XRN1: variants seen among roughly 807,000 people sequenced by gnomAD.
XRN1 encodes strand-exchange protein 1 homolog.
A neutral mutation model predicts 222.3 loss-of-function variants in XRN1; 67 were observed. That is an observed-to-expected ratio of 0.30 (90% CI 0.25 to 0.37). The LOEUF is 0.37. Ranked by LOEUF, XRN1 falls within the 10% of genes least tolerant of loss-of-function variation. The pLI, the probability that XRN1 is intolerant of heterozygous loss-of-function variation, is 1.00. For synonymous variants in XRN1, 643 were observed against 652.4 expected, an observed-to-expected ratio of 0.99 and a Z score of 0.22; for missense variants, 1,707 against 2,000.2, an observed-to-expected ratio of 0.85 and a Z score of 2.80.
Position 142,403,933 on chromosome 3 carries a change from G to C in XRN1, c.1940C>G (p.Thr647Ser), listed in dbSNP as rs142078879. ...WRVDINKNKI[T>S]RIDQKALYFC... ...ATATAATGCTTTCTGGTCAATTCTG[G>C]TTATTTTGTTTTTGTTTATGTCTAC... Residue 647 changes from threonine to serine, a missense_variant, in exon 17 of 41, where the codon ACC (threonine) becomes AGC (serine). Physicochemically the swap from Thr to Ser is moderately conservative, Grantham distance 58 (BLOSUM62 1). This residue lies in a region of XRN1 where 1,234 missense variants were observed against 1,518.2 expected (regional missense o/e 0.81). Coordinates refer to ENST00000392981, the MANE Select transcript of XRN1 (RefSeq NM_001282857.2). The C allele has an allele frequency of 1.9e-6, 3 of 1,611,894 alleles. No individual in the cohort carries two copies. The highest frequency in any genetic ancestry group is 2.5e-6 in the Non-Finnish European group (3 of 1,178,390).
At chr3:142,350,403 G>GT (rs1202054506) in intron 32 of XRN1, among the ~76,000 whole-genome samples, 1 of 152,146 alleles carries the variant, frequency 6.6e-6, no homozygotes, top group Admixed American at 6.5e-5. Flanking sequence ...TAGCAAAAAT[G>GT]TGAGTTATAG....
chr3:142,407,595 C>A (rs533827501), intron 15 of XRN1: 1 of 152,212 alleles, frequency 6.6e-6, no homozygotes, highest in Non-Finnish European at 1.5e-5. Flanking sequence ...TCCCAAAGTG[C>A]TGGGATTACA....
rs1441487132 is a variant in XRN1, at chr3:142,333,082, G to T, written c.3947C>A (p.Ser1316Tyr). ...AGATGCTAAAAAGTTCTCAATTCCA[G>T]AGTTAGGCTAAAAGAATAAATATTT... ...SQKMSNKQPNSGIENFLASLN... is the reference protein window; with the variant it reads ...SQKMSNKQPNYGIENFLASLN... The change falls in exon 35 of 41, where the codon TCT becomes TAT. Residue 1316 changes from serine (S) to tyrosine (Y), a missense_variant. Coordinates refer to ENST00000392981, the MANE Select transcript of XRN1 (RefSeq NM_001282857.2). 5 of 1,611,452 alleles carry T rather than the reference G, an allele frequency of 3.1e-6. No homozygotes were observed. The highest frequency in any genetic ancestry group is 4.2e-6 in the Non-Finnish European group (5 of 1,178,836).
chr3:142,409,700 T>C (rs1171182041), intron 15 of XRN1, among the ~76,000 whole-genome samples: 1 of 152,184 alleles, frequency 6.6e-6, no homozygotes, highest in Non-Finnish European at 1.5e-5. Flanking sequence ...AAAAACCTGC[T>C]AGGATTTTCA....
chr3:142,373,170 C>T (rs577786466), intron 25 of XRN1, among the ~76,000 whole-genome samples: 2 of 152,090 alleles, frequency 1.3e-5, no homozygotes, highest in South Asian at 4.1e-4. Context: ...TGAAGATATT[C>T]CATTCACTGT....
In XRN1 at chr3:142,423,617, T is replaced by G. The variant is rs375741470; in HGVS notation, c.653A>C (p.Glu218Ala). 1.9e-6 allele frequency: 3 copies of G among 1,596,766 alleles called. No individual in the cohort carries two copies. In the South Asian group the frequency reaches 3.5e-5, roughly 18 times the overall value. The change falls in exon 6 of 41, where the codon GAG (glutamate) becomes GCG (alanine). Residue 218 changes from glutamate (E) to alanine (A), a missense_variant. By Grantham distance (107) the Glu-to-Ala change is moderately radical. Transcript: ENST00000392981. ...TTCTCTTAAGAGAGAAAAATGTGCC[T>G]CATGACTTGTTAATCCAAGCATAAT... is the stretch of plus-strand genomic sequence containing the variant. The part of the protein sequence containing the change: ...DLIMLGLTSH[E>A]AHFSLLREEV...
At chr3:142,325,312 T>C (rs961792992) in intron 37 of XRN1, among the ~76,000 whole-genome samples, 1 of 152,190 alleles carries the variant, frequency 6.6e-6, no homozygotes, top group African/African-American at 2.4e-5. Context: ...ATTTCTCTAA[T>C]GTAGTGATGT....
chr3:142,438,904 C>T (rs555869935), intron 1 of XRN1, among the ~76,000 whole-genome samples: 1 of 152,152 alleles, frequency 6.6e-6, no homozygotes, highest in South Asian at 2.1e-4. Context: ...CTCCCTATTC[C>T]AGTGTCCCCC....
chr3:142,352,605 T>G (rs2066341026), intron 32 of XRN1, among the ~76,000 whole-genome samples: 1 of 152,200 alleles, frequency 6.6e-6, no homozygotes, highest in Non-Finnish European at 1.5e-5. Flanking sequence ...AATGAGGGTC[T>G]GAAGGTACAG....
At chr3:142,329,992 G>T (rs1192567403) in intron 36 of XRN1, among the ~76,000 whole-genome samples, 1 of 152,148 alleles carries the variant, frequency 6.6e-6, no homozygotes. Flanking sequence ...TAAAATTATT[G>T]TGACTTCAGT....
chr3:142,423,897 T>C (rs1386986611), intron 5 of XRN1, among the ~76,000 whole-genome samples: 1 of 152,178 alleles, frequency 6.6e-6, no homozygotes, highest in Non-Finnish European at 1.5e-5. Context: ...CTCCTCTTCC[T>C]ATCCCTCCAA....
chr3:142,360,802 A>T (rs2066601213), intron 29 of XRN1, among the ~76,000 whole-genome samples: 1 of 141,262 alleles, frequency 7.1e-6, no homozygotes. Flanking sequence ...TGAACTCGGG[A>T]GGTGGAGCTT....
At chr3:142,399,948 A>T (rs958265684) in intron 19 of XRN1, among the ~76,000 whole-genome samples, 9 of 151,954 alleles carry the variant, frequency 5.9e-5, no homozygotes, top group Non-Finnish European at 4.4e-5. Flanking sequence ...TTTATATGAA[A>T]TAATAAAAAA....
At chr3:142,403,846 T>A (rs369075979) in intron 17 of XRN1, 23 bp downstream of exon 17, 2 of 1,611,948 alleles carry the variant, frequency 1.2e-6, no homozygotes, top group Admixed American at 1.7e-5. Flanking sequence ...AGTGAAAAAA[T>A]TCTGAACTAA....
chr3:142,322,939 G>A (rs1009055246), intron 37 of XRN1, among the ~76,000 whole-genome samples: 3 of 152,070 alleles, frequency 2.0e-5, no homozygotes, highest in Non-Finnish European at 4.4e-5. Flanking sequence ...GGAGGCGGAG[G>A]TTGCAGTGAG....
rs1249175563 is a variant in XRN1, at chr3:142,308,703, GA to G, written c.*2807del. ...AAATTCACTTAAGTTGCTCAAAAAA[GA>G]AAAAACTTATTGAATAGAAATATTT... On this transcript the variant is annotated 3_prime_UTR_variant, in exon 41 of 41. Transcript: ENST00000392981. 2 of 152,058 alleles carry G rather than the reference GA, an allele frequency of 1.3e-5. No individual in the cohort carries two copies. The highest frequency in any genetic ancestry group is 2.4e-5 in the African/African-American group (1 of 41,428). 9.4% of individuals were successfully genotyped at this position (152,058 alleles called of 1,614,324 possible). A position where few individuals can be genotyped will look rare whatever the true frequency, so the allele number is the denominator to read the frequency against.
At chr3:142,445,560 A>G (rs2070463703) in intron 1 of XRN1, among the ~76,000 whole-genome samples, 1 of 152,220 alleles carries the variant, frequency 6.6e-6, no homozygotes, top group Non-Finnish European at 1.5e-5. Flanking sequence ...TAAAAAATAC[A>G]GTGGTTTGCT....
intron 20 of XRN1, among the ~76,000 whole-genome samples, chr3:142,395,975 CTA>C (rs2067914602): frequency 6.6e-6 from 1 of 152,166 alleles, no homozygotes; most frequent in Non-Finnish European, 1.5e-5. Flanking sequence ...CTGTCCCTGA[CTA>C]TGACAAATTC....
intron 32 of XRN1, among the ~76,000 whole-genome samples, chr3:142,348,952 GTTTTGTT>G (rs1559805237): frequency 6.6e-6 from 1 of 151,304 alleles, no homozygotes; most frequent in African/African-American, 2.4e-5. Context: ...AGGCTCTTCA[GTTTTGTT>G]TTTTGTTTTT....
Sources: gnomAD v4.1 joint callset for allele counts (sites outside exome capture counted in the v4.1 genomes callset) on GRCh38, gnomAD v4.1.1 for gene constraint, gnomAD v4.1.1 regional missense constraint, MANE v1.5 for transcripts, NCBI Gene and HGNC (gene_info 2026-07-23, HGNC 2026-07-21) for gene names.